RASEF: variants seen among roughly 807,000 people sequenced by gnomAD.
RASEF encodes the protein ras and EF-hand domain-containing protein.
Under a neutral mutation model 90.1 loss-of-function variants are expected in RASEF, and 68 were observed. That is an observed-to-expected ratio of 0.75 (90% CI 0.62 to 0.92). The LOEUF is 0.92. RASEF is among the 40% of genes least tolerant of loss of function. The pLI, the probability that RASEF is intolerant of heterozygous loss-of-function variation, is 0.00. For missense variants in RASEF, 949 were observed against 937.2 expected (o/e 1.01, Z -0.16); for synonymous variants, 331 against 345.2 (o/e 0.96, Z 0.46).
chr9:83,130,204 T>C, the RASEF span, among the ~76,000 whole-genome samples: 1 of 152,248 alleles, frequency 6.6e-6, no homozygotes, highest in Admixed American at 6.5e-5. Context: ...GATAATCTCA[T>C]CTTTTAAAAT....
chr9:83,005,286 T>C (rs900091454), intron 8 of RASEF, 130 bp downstream of exon 8: 11 of 650,342 alleles, frequency 1.7e-5, no homozygotes, highest in South Asian at 4.1e-5. Context: ...TTTTATTTTA[T>C]GGAAAGATCT....
chr9:83,016,900 G>A (rs186596871), intron 3 of RASEF, among the ~76,000 whole-genome samples: 221 of 152,234 alleles, frequency 1.5e-3, no homozygotes, highest in African/African-American at 4.7e-3. Flanking sequence ...TTTAACTACT[G>A]TGAGGATTAA....
chr9:83,107,910 AATCT>A, the RASEF span, among the ~76,000 whole-genome samples: 3 of 152,214 alleles, frequency 2.0e-5, no homozygotes, highest in Non-Finnish European at 4.4e-5. Context: ...CTGTTTTAAA[AATCT>A]ATCTGTTGAA....
At chr9:83,138,296 C>G in the RASEF span, among the ~76,000 whole-genome samples, 38 of 152,114 alleles carry the variant, frequency 2.5e-4, 1 homozygote, top group Admixed American at 4.6e-4. Flanking sequence ...CAACTAAATG[C>G]TTTGCAATTC....
At chr9:83,160,137 G>T in the RASEF span, among the ~76,000 whole-genome samples, 1 of 152,184 alleles carries the variant, frequency 6.6e-6, no homozygotes, top group Non-Finnish European at 1.5e-5. Context: ...TAACAGTAGG[G>T]TGGGGCACTG....
At chr9:83,089,967 T>C in the RASEF span, among the ~76,000 whole-genome samples, 4 of 152,156 alleles carry the variant, frequency 2.6e-5, no homozygotes, top group East Asian at 7.7e-4. Flanking sequence ...TAGATATAGA[T>C]AGATGCATAT....
the RASEF span, among the ~76,000 whole-genome samples, chr9:83,200,438 C>T: frequency 6.6e-6 from 1 of 152,084 alleles, no homozygotes; most frequent in Non-Finnish European, 1.5e-5. Context: ...CAAACAAATA[C>T]AAGAAGCCTC....
At chr9:83,068,371 G>T in the RASEF span, among the ~76,000 whole-genome samples, 2 of 152,204 alleles carry the variant, frequency 1.3e-5, no homozygotes, top group African/African-American at 4.8e-5. Context: ...AATCACTCCT[G>T]TGATTACATT....
the RASEF span, among the ~76,000 whole-genome samples, chr9:83,127,505 G>T: frequency 4.6e-5 from 7 of 152,174 alleles, no homozygotes; most frequent in Non-Finnish European, 8.8e-5. Context: ...CTCAAAGAGA[G>T]AGAATGAGAT....
chr9:83,007,577 A>AGACCC (rs1257229972), intron 6 of RASEF, 72 bp from the exon 7 acceptor site: 3 of 1,070,710 alleles, frequency 2.8e-6, no homozygotes, highest in Non-Finnish European at 1.4e-6. Flanking sequence ...CTACCCTCCC[A>AGACCC]GACCCTTTCC....
the RASEF span, among the ~76,000 whole-genome samples, chr9:83,202,587 T>G: frequency 6.6e-6 from 1 of 152,196 alleles, no homozygotes; most frequent in South Asian, 2.1e-4. Flanking sequence ...GCAATTCTCC[T>G]GCCTCAGCCT....
the RASEF span, among the ~76,000 whole-genome samples, chr9:83,168,658 GAATAGATATTTCTCA>G: frequency 6.6e-6 from 1 of 152,098 alleles, no homozygotes; most frequent in Non-Finnish European, 1.5e-5. Flanking sequence ...CAGAAGATCT[GAATAGATATTTCTCA>G]AGAGAAGGCA....
intron 1 of RASEF, among the ~76,000 whole-genome samples, chr9:83,047,412 CTACAA>C (rs913770218): frequency 6.6e-6 from 1 of 152,188 alleles, no homozygotes; most frequent in Non-Finnish European, 1.5e-5. Context: ...GAAAACAATA[CTACAA>C]TACCAGAAAA....
At chr9:83,022,222 C>A (rs1324651071) in intron 3 of RASEF, 114 bp downstream of exon 3, 2 of 776,996 alleles carry the variant, frequency 2.6e-6, no homozygotes, top group East Asian at 2.4e-5. Flanking sequence ...GGAGACTCTG[C>A]AGAAACCTGG....
At position 82,990,460 on chromosome 9, in the gene RASEF, C is replaced by G; in HGVS notation, c.2048G>C (p.Gly683Ala). 2 of 1,610,576 alleles carry G rather than the reference C, an allele frequency of 1.2e-6. No individual in the cohort carries two copies. The highest frequency in any genetic ancestry group is 1.7e-6 in the Non-Finnish European group (2 of 1,177,172). The change falls in exon 16 of 17, where the codon GGG (glycine) becomes GCG (alanine). Residue 683 changes from glycine (G) to alanine (A), a missense_variant. By Grantham distance (60) the Gly-to-Ala change is moderately conservative (BLOSUM62 0). Transcript: ENST00000376447. ...GGCACTTGTTTCACAGAATAATGCC[C>G]CATACGTCTGTAAAAAAGAAATACA... ...HFGEKLAMTY[G>A]ALFCETSAKD...
the RASEF span, among the ~76,000 whole-genome samples, chr9:83,073,174 C>T: frequency 6.6e-6 from 1 of 152,098 alleles, no homozygotes; most frequent in Non-Finnish European, 1.5e-5. Context: ...GGAGGAGTAC[C>T]CTCCTGCTGG....
chr9:82,990,013 A>G (rs1828781220), intron 16 of RASEF, among the ~76,000 whole-genome samples: 3 of 152,218 alleles, frequency 2.0e-5, no homozygotes, highest in Non-Finnish European at 4.4e-5. Flanking sequence ...CATAACATAC[A>G]AATTGCTTTG....
chr9:83,141,549 TA>T, the RASEF span, among the ~76,000 whole-genome samples: 2 of 152,236 alleles, frequency 1.3e-5, no homozygotes, highest in African/African-American at 4.8e-5. Context: ...ATTTACGCTT[TA>T]AAAGCAGCTG....
chr9:83,035,652 GAGTGA>G (rs899733578), intron 1 of RASEF, among the ~76,000 whole-genome samples: 24 of 152,030 alleles, frequency 1.6e-4, no homozygotes, highest in African/African-American at 5.8e-4. Flanking sequence ...AACTTAACCT[GAGTGA>G]AGTTAAATGT....
Sources: allele counts gnomAD v4.1 joint callset (sites outside exome capture counted in the v4.1 genomes callset), GRCh38; gene constraint gnomAD v4.1.1; transcripts MANE v1.5; gene names NCBI Gene and HGNC (gene_info 2026-07-23, HGNC 2026-07-21).